The following FGF12 variants were observed in gnomAD, a reference collection of about 807,000 sequenced individuals.
FGF12 encodes the protein fibroblast growth factor 12, also known as fibroblast growth factor 12B.
FGF12 carries 14 observed loss-of-function variants against 23.6 expected under a neutral mutation model. The ratio of observed to expected loss-of-function variants is 0.59; its 90% CI spans 0.39 to 0.93. The LOEUF (loss-of-function observed/expected upper bound fraction) is 0.93, where lower values mean the gene tolerates loss of function less well. FGF12 is among the 40% of genes least tolerant of loss of function. FGF12 has a pLI of 0.00. For missense variants in FGF12, 175 were observed against 217.8 expected (o/e 0.80, Z 1.24); for synonymous variants, 62 against 77.3 (o/e 0.80, Z 1.04).
chr3:192,648,485 T>G (rs1716095201), intron 2 of FGF12, among the ~76,000 whole-genome samples: 1 of 40,672 alleles, frequency 2.5e-5, no homozygotes, highest in Non-Finnish European at 6.7e-5. Context: ...TATTTAGATT[T>G]TTTTTTTTTT....
At chr3:192,613,602 T>C (rs936326477) in intron 2 of FGF12, among the ~76,000 whole-genome samples, 8 of 151,950 alleles carry the variant, frequency 5.3e-5, no homozygotes, top group African/African-American at 1.9e-4. Flanking sequence ...ATTTTCCAGA[T>C]ATTTTATAAA....
chr3:192,348,283 C>T (rs1459599283), intron 3 of FGF12, among the ~76,000 whole-genome samples: 1 of 152,086 alleles, frequency 6.6e-6, no homozygotes, highest in Non-Finnish European at 1.5e-5. Context: ...TGCAACCTCG[C>T]TAGATCTTGG....
chr3:192,707,295 T>TTAGACAA (rs950064393), intron 2 of FGF12, among the ~76,000 whole-genome samples: 1 of 152,124 alleles, frequency 6.6e-6, no homozygotes, highest in Non-Finnish European at 1.5e-5. Context: ...ATGACAAGGC[T>TTAGACAA]GTACTTAGAA....
intron 4 of FGF12, among the ~76,000 whole-genome samples, chr3:192,315,502 A>G (rs190556819): frequency 6.6e-6 from 1 of 152,162 alleles, no homozygotes; most frequent in East Asian, 1.9e-4. Flanking sequence ...GCTTTATTTT[A>G]TGTTGTATAC....
intron 2 of FGF12, among the ~76,000 whole-genome samples, chr3:192,560,859 C>T (rs1441747878): frequency 6.6e-6 from 1 of 152,118 alleles, no homozygotes; most frequent in African/African-American, 2.4e-5. Flanking sequence ...TTAATATTCT[C>T]ATACACATAG....
At chr3:192,661,885 C>A (rs545362779) in intron 2 of FGF12, among the ~76,000 whole-genome samples, 11 of 152,292 alleles carry the variant, frequency 7.2e-5, no homozygotes, top group African/African-American at 2.4e-4. Context: ...CAGTTCAAAT[C>A]GTAGCTTTAC....
At position 192,474,767 on chromosome 3, in the gene FGF12, C is replaced by A. The variant is rs1365056430; in HGVS notation, c.14-114229G>T. 1.3e-5 allele frequency among the ~76,000 whole-genome samples: 2 copies of A among 151,810 alleles called. 1 individual carries two copies. The highest frequency in any genetic ancestry group is 1.3e-4 in the Admixed American group (2 of 15,240). Reference sequence around the variant, plus strand: ...AGGTGTGGTGATGTGTCCCTGTAGTCCCAGGTATTTGGGAGGCTGAAGCAG... The same window carrying A: ...AGGTGTGGTGATGTGTCCCTGTAGTACCAGGTATTTGGGAGGCTGAAGCAG... On this transcript the variant is annotated intron_variant, in intron 2 of 5. Coordinates refer to ENST00000445105, the MANE Select transcript of FGF12 (RefSeq NM_004113.6).
intron 3 of FGF12, among the ~76,000 whole-genome samples, chr3:192,342,150 A>G (rs1717723505): frequency 6.6e-6 from 1 of 152,228 alleles, no homozygotes; most frequent in Admixed American, 6.5e-5. Flanking sequence ...GCCTAGCATG[A>G]TATCTTGGTT....
At chr3:192,329,781 C>A (rs1294573832) in intron 4 of FGF12, among the ~76,000 whole-genome samples, 2 of 152,010 alleles carry the variant, frequency 1.3e-5, no homozygotes, top group African/African-American at 4.8e-5. Context: ...GGTTAAACAG[C>A]AAAATTTTTA....
rs1287620408 is a variant in FGF12, at chr3:192,531,193, A to AT, written c.14-170656dup. 2.6e-5 allele frequency among the ~76,000 whole-genome samples: 4 copies of AT among 152,060 alleles called. No individual in the cohort carries two copies. The East Asian group carries it at 7.7e-4, about 29-fold the overall frequency. On this transcript the variant is annotated intron_variant, in intron 2 of 5. Transcript: ENST00000445105. ...AGCTACACACGTTATTAGAGTGGTG[A>AT]TTTTTTTTCTTTCCTGTTTTCATTT...
At chr3:192,255,168 A>C (rs1415073119) in intron 4 of FGF12, among the ~76,000 whole-genome samples, 1 of 152,066 alleles carries the variant, frequency 6.6e-6, no homozygotes, top group Non-Finnish European at 1.5e-5. Context: ...AAAAGGCTAC[A>C]GGAAGGATTA....
intron 3 of FGF12, among the ~76,000 whole-genome samples, chr3:192,346,059 GA>G (rs559112732): frequency 2.6e-3 from 388 of 151,536 alleles, no homozygotes; most frequent in African/African-American, 8.9e-3. Flanking sequence ...AAAAGGACTT[GA>G]AAAATAAAAT....
At chr3:192,372,060 T>C (rs976534258) in intron 2 of FGF12, among the ~76,000 whole-genome samples, 1 of 152,188 alleles carries the variant, frequency 6.6e-6, no homozygotes, top group Admixed American at 6.5e-5. Flanking sequence ...GACACTTCTA[T>C]GCACACAGAA....
At chr3:192,328,348 C>T (rs535676748) in intron 4 of FGF12, among the ~76,000 whole-genome samples, 4 of 152,272 alleles carry the variant, frequency 2.6e-5, no homozygotes, top group Non-Finnish European at 4.4e-5. Context: ...CAAGCACATG[C>T]GCAATGAATG....
chr3:192,247,093 G>T (rs1283345446), intron 4 of FGF12, among the ~76,000 whole-genome samples: 1 of 120,390 alleles, frequency 8.3e-6, no homozygotes, highest in Non-Finnish European at 1.8e-5. Context: ...AGGAAGGAAG[G>T]AAGGAAGGAA....
At chr3:192,344,789 T>A (rs1717872469) in intron 3 of FGF12, among the ~76,000 whole-genome samples, 1 of 152,180 alleles carries the variant, frequency 6.6e-6, no homozygotes, top group African/African-American at 2.4e-5. Context: ...CTATGATAGT[T>A]CAAAAATGTT....
At chr3:192,277,676 T>C (rs1484504078) in intron 4 of FGF12, among the ~76,000 whole-genome samples, 1 of 152,226 alleles carries the variant, frequency 6.6e-6, no homozygotes, top group Non-Finnish European at 1.5e-5. Context: ...CTTGCGTGTA[T>C]TCAGAGCACG....
intron 4 of FGF12, among the ~76,000 whole-genome samples, chr3:192,178,022 C>G (rs1391322304): frequency 2.0e-5 from 3 of 151,916 alleles, no homozygotes; most frequent in African/African-American, 7.2e-5. Flanking sequence ...AATTAAACAA[C>G]AAATCGACTC....
intron 4 of FGF12, among the ~76,000 whole-genome samples, chr3:192,222,240 G>C (rs185244686): frequency 6.6e-6 from 1 of 152,180 alleles, no homozygotes; most frequent in East Asian, 1.9e-4. Context: ...TATTCTCTTA[G>C]GTTCAACAAA....
Sources: gnomAD v4.1 joint callset for allele counts (sites outside exome capture counted in the v4.1 genomes callset) on GRCh38, gnomAD v4.1.1 for gene constraint, MANE v1.5 for transcripts, NCBI Gene and HGNC (gene_info 2026-07-23, HGNC 2026-07-21) for gene names.